KCTD1: variants seen among roughly 807,000 people sequenced by gnomAD.
KCTD1 encodes potassium channel tetramerization domain containing 1.
KCTD1 carries 24 observed loss-of-function variants against 66.0 expected under a neutral mutation model. That is an observed-to-expected ratio of 0.36 (90% CI 0.26 to 0.51). KCTD1 has a LOEUF of 0.51. Among genes scored for constraint, KCTD1 ranks in the 20% least tolerant of loss-of-function variants. The probability of loss-of-function intolerance (pLI) is 0.95; values close to 1 mark genes in which losing one functional copy is unlikely to be tolerated. For missense variants in KCTD1, 943 were observed against 1,205.2 expected, an observed-to-expected ratio of 0.78 and a Z score of 3.22; for synonymous variants, 511 against 517.2, an observed-to-expected ratio of 0.99 and a Z score of 0.16.
At chr18:26,645,914 T>C (rs1987919929) in intron 1 of KCTD1, among the ~76,000 whole-genome samples, 1 of 152,182 alleles carries the variant, frequency 6.6e-6, no homozygotes, top group African/African-American at 2.4e-5. Context: ...CTGCAGACAA[T>C]TCTGTTGTAT....
At chr18:26,497,991 TG>T (rs530602057) in intron 2 of KCTD1, among the ~76,000 whole-genome samples, 78 of 152,320 alleles carry the variant, frequency 5.1e-4, no homozygotes, top group African/African-American at 1.7e-3. Context: ...AAACAATTCC[TG>T]GGTTTGGCAG....
At chr18:26,573,863 TGTGAAAGTC>T (rs2144903297) in intron 1 of KCTD1, among the ~76,000 whole-genome samples, 1 of 152,338 alleles carries the variant, frequency 6.6e-6, no homozygotes, top group African/African-American at 2.4e-5. Flanking sequence ...CTGGGTTGGA[TGTGAAAGTC>T]GTGAGAAGTT....
At chr18:26,548,859 C>G (rs1162067638), upstream of KCTD1, 1 of 1,014,818 alleles carries the variant, frequency 9.9e-7, no homozygotes, top group Admixed American at 5.9e-5. Context: ...GGAGGGAGAG[C>G]TGTCGGTGGG....
At chr18:26,532,278 T>C (rs970343197) in intron 1 of KCTD1, among the ~76,000 whole-genome samples, 5 of 96,896 alleles carry the variant, frequency 5.2e-5, no homozygotes, top group South Asian at 3.5e-4. Flanking sequence ...TTTTTTTTTT[T>C]TTTTTTTTTG....
At chr18:26,573,028 C>A (rs961124594) in intron 1 of KCTD1, among the ~76,000 whole-genome samples, 2 of 146,384 alleles carry the variant, frequency 1.4e-5, no homozygotes, top group African/African-American at 5.0e-5. Flanking sequence ...CCACCCCCCC[C>A]TTTTTTTTTT....
upstream of KCTD1, among the ~76,000 whole-genome samples, chr18:26,632,643 A>G (rs905258777): frequency 6.6e-6 from 1 of 152,234 alleles, no homozygotes; most frequent in African/African-American, 2.4e-5. Flanking sequence ...ATAATGACAC[A>G]TATTTTAGCT....
At chr18:26,461,449 C>T (rs1980419554) in intron 3 of KCTD1, among the ~76,000 whole-genome samples, 1 of 152,230 alleles carries the variant, frequency 6.6e-6, no homozygotes, top group Non-Finnish European at 1.5e-5. Context: ...CTTCCTTGCA[C>T]ATGTTCTACC....
intron 1 of KCTD1, among the ~76,000 whole-genome samples, chr18:26,609,570 T>G (rs1354647308): frequency 6.6e-6 from 1 of 152,222 alleles, no homozygotes; most frequent in African/African-American, 2.4e-5. Context: ...CAATTTACTT[T>G]TTAAATAACT....
At chr18:26,456,020 T>C in intron 4 of KCTD1, 119 bp from the exon 5 acceptor site, 2 of 890,122 alleles carry the variant, frequency 2.2e-6, no homozygotes, top group Non-Finnish European at 3.4e-6. Context: ...CCCATGTCCC[T>C]GTGAGCTGCT....
chr18:26,642,309 C>T (rs1011016345), upstream of KCTD1, among the ~76,000 whole-genome samples: 3 of 152,214 alleles, frequency 2.0e-5, no homozygotes, highest in Non-Finnish European at 4.4e-5. Context: ...AAAATGTCCA[C>T]TTGGGGAAGC....
intron 2 of KCTD1, among the ~76,000 whole-genome samples, chr18:26,496,087 ATTAT>A (rs896074274): frequency 6.6e-6 from 1 of 152,212 alleles, no homozygotes; most frequent in Non-Finnish European, 1.5e-5. Flanking sequence ...ACCAATATTA[ATTAT>A]TTATGAAAAA....
At chr18:26,639,831 C>T (rs1366357739) in intron 1 of KCTD1, among the ~76,000 whole-genome samples, 1 of 152,150 alleles carries the variant, frequency 6.6e-6, no homozygotes, top group East Asian at 1.9e-4. Context: ...CCCAGATAAT[C>T]GGGCTCCAGC....
At chr18:26,467,188 T>C in intron 3 of KCTD1, among the ~76,000 whole-genome samples, 1 of 151,966 alleles carries the variant, frequency 6.6e-6, no homozygotes, top group South Asian at 2.1e-4. Context: ...AATGTACATG[T>C]ACTTCTTCTA....
chr18:26,493,907 C>G (rs192495779), intron 2 of KCTD1, among the ~76,000 whole-genome samples: 71 of 152,314 alleles, frequency 4.7e-4, no homozygotes, highest in African/African-American at 1.6e-3. Context: ...TTGCACCAAC[C>G]TAAATATTTT....
At chr18:26,469,692 C>T (rs1251277613) in intron 3 of KCTD1, among the ~76,000 whole-genome samples, 5 of 152,088 alleles carry the variant, frequency 3.3e-5, no homozygotes, top group African/African-American at 1.2e-4. Context: ...CTACTTAGTC[C>T]TATATAATTT....
At chr18:26,492,191 G>C (rs934756861) in intron 2 of KCTD1, among the ~76,000 whole-genome samples, 1 of 152,050 alleles carries the variant, frequency 6.6e-6, no homozygotes, top group Admixed American at 6.6e-5. Context: ...GCAGTGAACT[G>C]TGACTGCACC....
At chr18:26,624,443 C>G (rs62085524) in intron 1 of KCTD1, among the ~76,000 whole-genome samples, 5 of 152,220 alleles carry the variant, frequency 3.3e-5, no homozygotes, top group Admixed American at 1.3e-4. Context: ...TGACCTGCAT[C>G]CCAGCTGCTT....
intron 1 of KCTD1, among the ~76,000 whole-genome samples, chr18:26,610,358 A>G (rs1987107235): frequency 6.6e-6 from 1 of 152,162 alleles, no homozygotes; most frequent in African/African-American, 2.4e-5. Flanking sequence ...AGATTGCTTG[A>G]GCCCAGGAGT....
chr18:26,599,946 GTCT>G, intron 1 of KCTD1: 1 of 1,597,856 alleles, frequency 6.3e-7, no homozygotes, highest in Non-Finnish European at 8.6e-7. Context: ...TCACCAAGAA[GTCT>G]TCTCCTTCAG....
Sources: allele counts gnomAD v4.1 joint callset (sites outside exome capture counted in the v4.1 genomes callset), GRCh38; gene constraint gnomAD v4.1.1; transcripts MANE v1.5; gene names NCBI Gene and HGNC (gene_info 2026-07-23, HGNC 2026-07-21).